Variants in ZNF273 observed in about 807,000 individuals in gnomAD.
ZNF273 encodes the protein zinc finger protein 9.
A neutral mutation model predicts 14.9 loss-of-function variants in ZNF273; 11 were observed. The observed-to-expected ratio is 0.74, with a 90% confidence interval of 0.46 to 1.22. The LOEUF is 1.22. Ranked by LOEUF, ZNF273 falls within the 50% of genes most tolerant of loss-of-function variation. ZNF273 has a pLI of 0.00. For missense variants in ZNF273, 577 were observed against 660.6 expected, an observed-to-expected ratio of 0.87 and a Z score of 1.39; for synonymous variants, 199 against 223.9, an observed-to-expected ratio of 0.89 and a Z score of 0.99.
Position 64,914,190 on chromosome 7 carries a change from T to G in ZNF273, c.103-3391T>G, listed in dbSNP as rs1347940581. On this transcript the variant is annotated intron_variant, in intron 1 of 3. Coordinates refer to ENST00000476120, the MANE Select transcript of ZNF273 (RefSeq NM_021148.3). ...GTCCTGGTAATTTTTGTATTTTTTTTTTTTTTTTTTTTTTTTTTAGTACAG... is the reference window on the plus strand; with the variant it reads ...GTCCTGGTAATTTTTGTATTTTTTTGTTTTTTTTTTTTTTTTTTAGTACAG... 4.7e-5 allele frequency among the ~76,000 whole-genome samples: 6 copies of G among 127,872 alleles called. 1 individual carries two copies. Among genetic ancestry groups the G allele is most frequent in the South Asian group, 2.7e-4 (1 of 3,748 alleles). 83.9% of individuals were successfully genotyped at this position (127,872 alleles called of 152,430 possible).
At chr7:64,921,415 G>A (rs1794438238) in intron 3 of ZNF273, among the ~76,000 whole-genome samples, 1 of 151,630 alleles carries the variant, frequency 6.6e-6, no homozygotes, top group South Asian at 2.1e-4. Context: ...TTGAAAATGG[G>A]GTCTTGATGT....
downstream of ZNF273, chr7:64,889,151 G>A (rs899749162): frequency 4.1e-6 from 4 of 985,952 alleles, no homozygotes; most frequent in South Asian, 1.9e-4. This position sits in a 1 kb window ranked among gnomAD's most constrained non-coding sequence, Gnocchi z 4.2. Flanking sequence ...GGGGACGCCC[G>A]GGCTGAGCTG....
chr7:64,908,097 A>G (rs1313007998), intron 1 of ZNF273, among the ~76,000 whole-genome samples: 2 of 152,240 alleles, frequency 1.3e-5, no homozygotes, highest in Non-Finnish European at 2.9e-5. Context: ...CTGAATCTGC[A>G]GTAGCAACCT....
upstream of ZNF273, among the ~76,000 whole-genome samples, chr7:64,901,080 G>A (rs954164813): frequency 6.6e-6 from 1 of 150,930 alleles, no homozygotes; most frequent in Non-Finnish European, 1.5e-5. Flanking sequence ...TCGGCTCATT[G>A]CAGCCTCTGC....
upstream of ZNF273, among the ~76,000 whole-genome samples, chr7:64,902,207 T>G (rs943155574): frequency 4.1e-5 from 6 of 147,238 alleles, no homozygotes; most frequent in African/African-American, 9.9e-5. Flanking sequence ...TGTTTCTTCC[T>G]TTTTTTTTTA....
intron 1 of ZNF273, among the ~76,000 whole-genome samples, chr7:64,886,050 C>T (rs376496654): frequency 7.2e-6 from 1 of 139,390 alleles, no homozygotes; most frequent in East Asian, 2.2e-4. Flanking sequence ...ATTATGCAGG[C>T]TTAGGTGGGG....
chr7:64,902,608 A>G (rs1229475533), upstream of ZNF273, among the ~76,000 whole-genome samples: 2 of 152,212 alleles, frequency 1.3e-5, no homozygotes, highest in African/African-American at 4.8e-5. Context: ...AGGCTGAGGC[A>G]GGAGAATCGC....
downstream of ZNF273, among the ~76,000 whole-genome samples, chr7:64,934,503 G>A (rs1795045612): frequency 6.6e-6 from 1 of 152,098 alleles, no homozygotes; most frequent in African/African-American, 2.4e-5. Flanking sequence ...TATATATGGT[G>A]TGAAATGAGG....
At chr7:64,901,593 C>T (rs920467783), upstream of ZNF273, among the ~76,000 whole-genome samples, 1 of 152,182 alleles carries the variant, frequency 6.6e-6, no homozygotes, top group Non-Finnish European at 1.5e-5. Flanking sequence ...TTATGCTATT[C>T]CAGATGATAG....
intron 3 of ZNF273, among the ~76,000 whole-genome samples, chr7:64,921,239 T>A (rs1794427105): frequency 6.6e-6 from 1 of 151,968 alleles, no homozygotes; most frequent in Non-Finnish European, 1.5e-5. Context: ...AATTTTTGTA[T>A]TTTTAGTAGA....
At chr7:64,901,618 CGTAA>C (rs768817921), upstream of ZNF273, among the ~76,000 whole-genome samples, 10 of 152,152 alleles carry the variant, frequency 6.6e-5, no homozygotes, top group Non-Finnish European at 1.2e-4. Flanking sequence ...TTATTTCTTC[CGTAA>C]GTGAGACCCT....
At chr7:64,892,802 G>C (rs1792114892), downstream of ZNF273, among the ~76,000 whole-genome samples, 1 of 152,134 alleles carries the variant, frequency 6.6e-6, no homozygotes, top group Admixed American at 6.5e-5. Context: ...ATTGGTTAGA[G>C]GTATGTCATT....
At chr7:64,908,614 G>T (rs185240764) in intron 1 of ZNF273, among the ~76,000 whole-genome samples, 5 of 152,186 alleles carry the variant, frequency 3.3e-5, no homozygotes, top group Non-Finnish European at 7.4e-5. Context: ...CACCACGCTT[G>T]GCTAATTTAT....
At chr7:64,914,086 C>T (rs1488868704) in intron 1 of ZNF273, among the ~76,000 whole-genome samples, 1 of 151,202 alleles carries the variant, frequency 6.6e-6, no homozygotes, top group Non-Finnish European at 1.5e-5. Flanking sequence ...TCGGCTACTT[C>T]AGCCTCTGCC....
chr7:64,910,866 A>G (rs1793460062), intron 1 of ZNF273, among the ~76,000 whole-genome samples: 1 of 151,674 alleles, frequency 6.6e-6, no homozygotes, highest in African/African-American at 2.4e-5. Context: ...CCTAGGTTCA[A>G]ACAATTCTCC....
At chr7:64,911,287 T>G (rs1793493446) in intron 1 of ZNF273, among the ~76,000 whole-genome samples, 1 of 151,974 alleles carries the variant, frequency 6.6e-6, no homozygotes, top group African/African-American at 2.4e-5. Context: ...AGCCTTTTTT[T>G]TTTTTTTGAG....
downstream of ZNF273, among the ~76,000 whole-genome samples, chr7:64,881,300 C>T (rs564776741): frequency 3.9e-5 from 6 of 152,192 alleles, no homozygotes; most frequent in Non-Finnish European, 8.8e-5. Flanking sequence ...CCATGTTTCT[C>T]GTGGGCCTAG....
rs71061324 is a variant in ZNF273 at position 64,912,826 on chromosome 7, GTT to G, written c.103-4736_103-4735del. Among the ~76,000 whole-genome samples the G allele has an allele frequency of 7.9e-4, 29 of 36,574 alleles. 2 individuals carry two copies. Among genetic ancestry groups the G allele is most frequent in the East Asian group, 6.2e-4 (1 of 1,618 alleles). The allele number at this position is 36,574 out of a possible 152,430, so 24.0% of individuals were successfully genotyped here. On this transcript the variant is annotated intron_variant, in intron 1 of 3. Coordinates refer to ENST00000476120, the MANE Select transcript of ZNF273 (RefSeq NM_021148.3). ...TCTTTTTGACTCAGGATTCATTTTA[GTT>G]TTTTTTTTTTTTTTTTTTGAGATTG...
rs755749886 is a variant in ZNF273, at chr7:64,927,981, T to G, written c.653T>G (p.Leu218Arg). 4 of 1,613,874 alleles carry G rather than the reference T, an allele frequency of 2.5e-6. No individual in the cohort carries two copies. In the South Asian group the frequency reaches 4.4e-5, roughly 18 times the overall value. The change falls in exon 4 of 4, where the codon CTT becomes CGT. Residue 218 changes from leucine (L) to arginine (R), a missense_variant. By Grantham distance (102) the Leu-to-Arg change is moderately radical. Transcript: ENST00000476120. ...GAATGTGGCAAATCATGTTGCATAC[T>G]TTCACAACTAACTCAGCATAAGAAA... is the stretch of plus-strand genomic sequence containing the variant. ...CKECGKSCCI[L>R]SQLTQHKKTA...
Sources: gnomAD v4.1 joint callset for allele counts (sites outside exome capture counted in the v4.1 genomes callset) on GRCh38, gnomAD v4.1.1 for gene constraint, Gnocchi (gnomAD v3.1) non-coding constraint, MANE v1.5 for transcripts, NCBI Gene and HGNC (gene_info 2026-07-23, HGNC 2026-07-21) for gene names.